Variants in PAFAH1B1 observed in about 807,000 individuals in gnomAD.
PAFAH1B1 encodes the protein platelet activating factor acetylhydrolase 1b regulatory subunit 1.
Under a neutral mutation model 57.5 loss-of-function variants are expected in PAFAH1B1, and 2 were observed. That is an observed-to-expected ratio of 0.03 (90% confidence interval 0.01 to 0.11). The LOEUF is 0.11. Ranked by LOEUF, PAFAH1B1 falls within the 10% of genes least tolerant of loss-of-function variation. The probability of loss-of-function intolerance (pLI) is 1.00; values close to 1 mark genes in which losing one functional copy is unlikely to be tolerated. For synonymous variants in PAFAH1B1, 152 were observed against 169.6 expected, an observed-to-expected ratio of 0.90 and a Z score of 0.81; for missense variants, 257 against 512.0, an observed-to-expected ratio of 0.50 and a Z score of 4.81.
intron 9 of PAFAH1B1, among the ~76,000 whole-genome samples, chr17:2,677,849 G>A (rs548214218): frequency 7.6e-6 from 1 of 132,448 alleles, no homozygotes; most frequent in Admixed American, 8.6e-5. Context: ...GCGAGACTCC[G>A]CCTCAAAAAA....
chr17:2,596,158 C>T (rs887702859), intron 1 of PAFAH1B1, among the ~76,000 whole-genome samples: 5 of 152,086 alleles, frequency 3.3e-5, no homozygotes, highest in African/African-American at 9.7e-5. Flanking sequence ...CTTATTGTCT[C>T]CTTATTTGTC....
intron 1 of PAFAH1B1, among the ~76,000 whole-genome samples, chr17:2,618,125 G>A (rs2068371869): frequency 6.6e-6 from 1 of 151,966 alleles, no homozygotes; most frequent in Non-Finnish European, 1.5e-5. Context: ...GTGGGCACCT[G>A]TAATCCCAGC....
At chr17:2,616,602 G>A (rs953561599) in intron 1 of PAFAH1B1, among the ~76,000 whole-genome samples, 1 of 152,160 alleles carries the variant, frequency 6.6e-6, no homozygotes, top group Non-Finnish European at 1.5e-5. Flanking sequence ...TTTACTCTGA[G>A]TCTGCTGACT....
intron 9 of PAFAH1B1, chr17:2,679,681 T>A (rs148311284): frequency 7.7e-4 from 146 of 189,680 alleles, no homozygotes; most frequent in African/African-American, 3.3e-3. Flanking sequence ...TATATAGATA[T>A]ATAGTGAATG....
intron 8 of PAFAH1B1, among the ~76,000 whole-genome samples, chr17:2,675,135 G>A (rs2069242993): frequency 6.6e-6 from 1 of 152,142 alleles, no homozygotes; most frequent in African/African-American, 2.4e-5. Flanking sequence ...CTGAGTAGCT[G>A]GGACCACGGA....
At position 2,685,173 on chromosome 17, in the gene PAFAH1B1, G is replaced by C. The variant is rs148118466; in HGVS notation, c.*3371G>C. The C allele has an allele frequency of 3.2e-5, 4 of 126,744 alleles. No individual in the cohort carries two copies. The highest frequency in any genetic ancestry group is 1.2e-4 in the African/African-American group (4 of 34,248). The allele number at this position is 126,744 out of a possible 1,614,324, so 7.9% of individuals were successfully genotyped here. ...TTTTGGATTTTTTTTCCAGTGGGGTGGGGGGAGGGCAAGCTGGATTTACAG... is the reference window on the plus strand; with the variant it reads ...TTTTGGATTTTTTTTCCAGTGGGGTCGGGGGAGGGCAAGCTGGATTTACAG... On this transcript the variant is annotated 3_prime_UTR_variant, in exon 11 of 11. Transcript: ENST00000397195.
chr17:2,676,602 C>G lies in PAFAH1B1; in HGVS notation c.998C>G (p.Thr333Ser). 6.3e-7 allele frequency: 1 copy of G among 1,585,382 alleles called. No individual in the cohort carries two copies. Among genetic ancestry groups the G allele is most frequent in the Non-Finnish European group, 8.7e-7 (1 of 1,153,846 alleles). ...WDVSTGMCLMTLVGHDNWVRG... is the reference protein window; with the variant it reads ...WDVSTGMCLMSLVGHDNWVRG... The stretch of plus-strand genomic sequence containing the variant: ...GTCAGTACTGGCATGTGCCTTATGA[C>G]CCTCGTAAGTTTGCATAATCTTACC... Residue 333 changes from threonine (T) to serine (S), a missense_variant, in exon 9 of 11, where the codon ACC becomes AGC. Physicochemically the swap from Thr to Ser is moderately conservative, Grantham distance 58. Coordinates refer to ENST00000397195, the MANE Select transcript of PAFAH1B1 (RefSeq NM_000430.4).
At chr17:2,672,607 C>T (rs748566925) in intron 6 of PAFAH1B1, 48 bp from the exon 7 acceptor site, 1 of 1,243,558 alleles carries the variant, frequency 8.0e-7, no homozygotes, top group Non-Finnish European at 1.2e-6. Context: ...TGTTTCATTG[C>T]TCTTGGTGGT....
intron 2 of PAFAH1B1, chr17:2,659,512 TG>T: frequency 7.9e-6 from 1 of 126,230 alleles, no homozygotes; most frequent in South Asian, 1.7e-4. Flanking sequence ...AGAGTGAGAC[TG>T]CCTCGCCAAA....
Position 2,593,673 on chromosome 17 carries a change from G to T in PAFAH1B1, c.-524G>T, listed in dbSNP as rs1229777665. Reference sequence around the variant, plus strand: ...TGTGACAGACGGAGCTGGAGCGGCGGGGCGGCGGCGGAGTCCGGCGGCCGG... The same window carrying T: ...TGTGACAGACGGAGCTGGAGCGGCGTGGCGGCGGCGGAGTCCGGCGGCCGG... On this transcript the variant is annotated 5_prime_UTR_variant, in exon 1 of 11. Coordinates refer to ENST00000397195, the MANE Select transcript of PAFAH1B1 (RefSeq NM_000430.4). 2 of 295,732 alleles carry T rather than the reference G, an allele frequency of 6.8e-6. No individual in the cohort carries two copies. The highest frequency in any genetic ancestry group is 2.2e-5 in the African/African-American group (1 of 45,450). 18.3% of individuals were successfully genotyped at this position (295,732 alleles called of 1,614,324 possible).
intron 9 of PAFAH1B1, among the ~76,000 whole-genome samples, chr17:2,679,353 A>G (rs906328879): frequency 1.8e-5 from 2 of 111,478 alleles, no homozygotes; most frequent in Admixed American, 1.1e-4. Context: ...TGGATGATTA[A>G]ATGGATGGAT....
rs1461950469 is a variant in PAFAH1B1, at chr17:2,685,044, G to C, written c.*3242G>C. ...TGTTGAAGGAAAAGGCACTTAAATT[G>C]GTTACTTTCATGTCCAGCTGTATAT... On this transcript the variant is annotated 3_prime_UTR_variant, in exon 11 of 11. Coordinates refer to ENST00000397195, the MANE Select transcript of PAFAH1B1 (RefSeq NM_000430.4). 6.6e-6 allele frequency: 1 copy of C among 152,066 alleles called. No individual in the cohort carries two copies. Among genetic ancestry groups the C allele is most frequent in the Non-Finnish European group, 1.5e-5 (1 of 68,024 alleles). The allele number at this position is 152,066 out of a possible 1,614,324, so 9.4% of individuals were successfully genotyped here.
At chr17:2,653,513 C>A (rs750944006) in intron 2 of PAFAH1B1, among the ~76,000 whole-genome samples, 2 of 151,958 alleles carry the variant, frequency 1.3e-5, no homozygotes, top group Non-Finnish European at 2.9e-5. Flanking sequence ...ACTCAGCTTT[C>A]AAACAGGTAT....
intron 1 of PAFAH1B1, among the ~76,000 whole-genome samples, chr17:2,625,221 GAT>G (rs1389751805): frequency 1.3e-5 from 2 of 152,060 alleles, no homozygotes; most frequent in African/African-American, 4.8e-5. Context: ...CAGTGTCCTT[GAT>G]ATCAGTCTAA....
At chr17:2,678,438 C>T (rs2069308618) in intron 9 of PAFAH1B1, among the ~76,000 whole-genome samples, 1 of 148,280 alleles carries the variant, frequency 6.7e-6, no homozygotes, top group Non-Finnish European at 1.5e-5. Context: ...TGGTGGCGCA[C>T]GTCTGTAATC....
At chr17:2,661,021 CAT>C (rs1312396309) in intron 2 of PAFAH1B1, among the ~76,000 whole-genome samples, 2 of 152,008 alleles carry the variant, frequency 1.3e-5, no homozygotes, top group African/African-American at 2.4e-5. Flanking sequence ...AGCTTTTTTT[CAT>C]ATGTTTTTTG....
chr17:2,655,314 A>G (rs2035780017), intron 2 of PAFAH1B1, among the ~76,000 whole-genome samples: 1 of 152,048 alleles, frequency 6.6e-6, no homozygotes, highest in Non-Finnish European at 1.5e-5. Flanking sequence ...GCCCTTTTAC[A>G]TACCACATCA....
intron 1 of PAFAH1B1, among the ~76,000 whole-genome samples, chr17:2,607,726 TCCAC>T (rs1324471676): frequency 6.6e-6 from 1 of 152,040 alleles, no homozygotes; most frequent in Non-Finnish European, 1.5e-5. Flanking sequence ...CCTCAAGTGA[TCCAC>T]CTGCCTCAGC....
At chr17:2,613,349 G>A (rs1479598321) in intron 1 of PAFAH1B1, 3 of 238,390 alleles carry the variant, frequency 1.3e-5, no homozygotes, top group Non-Finnish European at 2.7e-5. Flanking sequence ...TTGCTTGGGC[G>A]AAGCTCAGCC....
Sources: allele counts gnomAD v4.1 joint callset (sites outside exome capture counted in the v4.1 genomes callset), GRCh38; gene constraint gnomAD v4.1.1; transcripts MANE v1.5; gene names NCBI Gene and HGNC (gene_info 2026-07-23, HGNC 2026-07-21).